Variants in TLL2 observed in about 807,000 individuals in gnomAD.
TLL2 encodes tolloid like 2.
A neutral mutation model predicts 123.0 loss-of-function variants in TLL2; 106 were observed. The observed-to-expected ratio is 0.86, with a 90% CI of 0.74 to 1.01. The LOEUF is 1.01. Among genes scored for constraint, TLL2 ranks in the 50% least tolerant of loss-of-function variants. TLL2 has a pLI of 0.00. For missense variants in TLL2, 1,332 were observed against 1,336.7 expected (o/e 1.00, Z 0.06); for synonymous variants, 494 against 516.8 (o/e 0.96, Z 0.60).
intron 4 of TLL2, among the ~76,000 whole-genome samples, chr10:96,429,219 G>T (rs1270381455): frequency 6.6e-6 from 1 of 152,138 alleles, no homozygotes; most frequent in African/African-American, 2.4e-5. Context: ...AACAGATTTT[G>T]TGTCCTCACC....
At position 96,370,377 on chromosome 10, in the gene TLL2, G is replaced by C. The variant is rs1416218785; in HGVS notation, c.2663-62C>G. The C allele has an allele frequency of 3.3e-6, 5 of 1,492,636 alleles. No homozygotes were observed. In the African/African-American group the frequency reaches 5.7e-5, roughly 17 times the overall value. The allele number at this position is 1,492,636 out of a possible 1,614,324, so 92.5% of individuals were successfully genotyped here. On this transcript the variant is annotated intron_variant, in intron 19 of 20. Transcript: ENST00000357947. ...AGACACCCTCGTGCCTCCCGCCTGC[G>C]TCTGCTCGGCTTTCTCTACAGAGCC...
chr10:96,444,403 A>T (rs1846876351), intron 3 of TLL2, among the ~76,000 whole-genome samples: 1 of 152,216 alleles, frequency 6.6e-6, no homozygotes, highest in Admixed American at 6.5e-5. Flanking sequence ...AAAAGAATAC[A>T]TTTAAGTTAT....
At chr10:96,420,811 G>C in intron 7 of TLL2, 145 bp downstream of exon 7, 1 of 689,762 alleles carries the variant, frequency 1.4e-6, no homozygotes, top group East Asian at 2.5e-5. Context: ...TCACTGCAGC[G>C]CAGAGGCCAC....
chr10:96,365,989 C>G lies in TLL2; in HGVS notation c.*2099G>C, dbSNP rs527653148. On this transcript the variant is annotated 3_prime_UTR_variant, in exon 21 of 21. Coordinates refer to ENST00000357947, the MANE Select transcript of TLL2 (RefSeq NM_012465.4). ...CAACTCTGTTTCTGACTCCCTCCCACTTTTCTATGAAATTTGTTAATCTTG... is the reference window on the plus strand; with the variant it reads ...CAACTCTGTTTCTGACTCCCTCCCAGTTTTCTATGAAATTTGTTAATCTTG... 13 of 152,382 alleles carry G rather than the reference C, an allele frequency of 8.5e-5. No homozygotes were observed. Among genetic ancestry groups the G allele is most frequent in the African/African-American group, 3.1e-4 (13 of 41,600 alleles). 9.4% of individuals were successfully genotyped at this position (152,382 alleles called of 1,614,324 possible).
intron 2 of TLL2, among the ~76,000 whole-genome samples, chr10:96,462,264 G>T (rs1293648706): frequency 1.3e-5 from 2 of 152,160 alleles, no homozygotes; most frequent in African/African-American, 4.8e-5. Context: ...TTGCCTCATT[G>T]TTCCTTCCCC....
intron 8 of TLL2, chr10:96,410,752 G>A (rs1846494120): frequency 1.9e-6 from 1 of 528,606 alleles, no homozygotes; most frequent in Non-Finnish European, 3.6e-6. Context: ...CAGCTGTGTG[G>A]CTTGGGCAAG....
intron 1 of TLL2, among the ~76,000 whole-genome samples, chr10:96,498,746 C>A (rs1847504157): frequency 6.6e-6 from 1 of 152,168 alleles, no homozygotes; most frequent in Non-Finnish European, 1.5e-5. Flanking sequence ...TCCACCCCTT[C>A]CATATCCAAA....
At chr10:96,380,866 C>A (rs4919006) in intron 16 of TLL2, among the ~76,000 whole-genome samples, 148,428 of 151,530 alleles carry the variant, frequency 0.98, 72,763 homozygotes, top group East Asian at 1. Context: ...AATCCCAGCT[C>A]CTCAGGAGGC....
At chr10:96,397,342 C>T (rs201143028) in intron 10 of TLL2, 40 bp from the exon 11 acceptor site, 3 of 1,536,932 alleles carry the variant, frequency 2.0e-6, no homozygotes, top group South Asian at 1.2e-5. Context: ...GCCCTGGGGA[C>T]AGCAAGAAGG....
chr10:96,458,549 T>C (rs1434693657), intron 2 of TLL2, among the ~76,000 whole-genome samples: 2 of 127,026 alleles, frequency 1.6e-5, no homozygotes, highest in Admixed American at 2.0e-4. Context: ...ATTGCGCCAT[T>C]GCACTCCAGC....
At chr10:96,419,759 T>C (rs74151320) in intron 7 of TLL2, among the ~76,000 whole-genome samples, 1,767 of 152,328 alleles carry the variant, frequency 0.012, 36 homozygotes, top group African/African-American at 0.04. Flanking sequence ...AGGATGCTTT[T>C]GGCAGCCTTA....
At chr10:96,469,696 G>A (rs1847160620) in intron 2 of TLL2, among the ~76,000 whole-genome samples, 1 of 152,198 alleles carries the variant, frequency 6.6e-6, no homozygotes, top group Admixed American at 6.5e-5. Flanking sequence ...CCCAGAGCAC[G>A]ACAATCATCA....
intron 2 of TLL2, among the ~76,000 whole-genome samples, chr10:96,449,797 T>C (rs1346463813): frequency 6.6e-6 from 1 of 152,142 alleles, no homozygotes; most frequent in East Asian, 1.9e-4. Flanking sequence ...TATTTTCCTC[T>C]TATTGCACAC....
intron 4 of TLL2, among the ~76,000 whole-genome samples, chr10:96,429,238 A>G (rs915069099): frequency 3.3e-5 from 5 of 152,322 alleles, no homozygotes; most frequent in Admixed American, 1.3e-4. Context: ...CCAGCCCCCA[A>G]TGTAAGCATG....
At chr10:96,410,743 A>T in intron 8 of TLL2, 1 of 545,952 alleles carries the variant, frequency 1.8e-6, no homozygotes, top group Non-Finnish European at 3.5e-6. Flanking sequence ...CTCTCTGGCC[A>T]GCTGTGTGGC....
At chr10:96,505,062 C>T (rs985290663) in intron 1 of TLL2, among the ~76,000 whole-genome samples, 2 of 152,026 alleles carry the variant, frequency 1.3e-5, no homozygotes, top group Non-Finnish European at 2.9e-5. Flanking sequence ...ATACTACCTG[C>T]GACTGGGTAA....
At position 96,367,973 on chromosome 10, in the gene TLL2, TG is replaced by T; in HGVS notation, c.*114del. The T allele has an allele frequency of 7.6e-7, 1 of 1,313,332 alleles. No individual in the cohort carries two copies. The highest frequency in any genetic ancestry group is 1.5e-5 in the African/African-American group (1 of 67,826). The allele number at this position is 1,313,332 out of a possible 1,614,324, so 81.4% of individuals were successfully genotyped here. On this transcript the variant is annotated 3_prime_UTR_variant, in exon 21 of 21. Transcript: ENST00000357947. ...CCTCTAAGGCTGGATTCTGAGTTTT[TG>T]TTTGAGAAAAATACTGTACACTGTT... is the stretch of plus-strand genomic sequence containing the variant.
intron 19 of TLL2, among the ~76,000 whole-genome samples, chr10:96,371,523 G>A (rs1197065995): frequency 3.3e-5 from 5 of 152,306 alleles, no homozygotes; most frequent in South Asian, 2.1e-4. Flanking sequence ...GGAGCTCCAC[G>A]CCCTGCCTGG....
At chr10:96,386,788 G>C (rs1417108769) in intron 14 of TLL2, among the ~76,000 whole-genome samples, 165 bp downstream of exon 14, 1 of 152,226 alleles carries the variant, frequency 6.6e-6, no homozygotes, top group Non-Finnish European at 1.5e-5. Context: ...ATTTGTGACA[G>C]CTGTCAGGCT....
Sources: gnomAD v4.1 joint callset for allele counts (sites outside exome capture counted in the v4.1 genomes callset) on GRCh38, gnomAD v4.1.1 for gene constraint, MANE v1.5 for transcripts, NCBI Gene and HGNC (gene_info 2026-07-23, HGNC 2026-07-21) for gene names.